RBFOX1: variants seen among roughly 807,000 people sequenced by gnomAD.
RBFOX1 encodes RNA binding protein fox-1 homolog 1.
A neutral mutation model predicts 57.7 loss-of-function variants in RBFOX1; 8 were observed. That is an observed-to-expected ratio of 0.14 (90% CI 0.08 to 0.25). The LOEUF is 0.25. RBFOX1 is among the 10% of genes least tolerant of loss of function. The pLI is 1.00. For missense variants in RBFOX1, 611 were observed against 548.5 expected, an observed-to-expected ratio of 1.11 and a Z score of -1.14; for synonymous variants, 326 against 222.4, an observed-to-expected ratio of 1.47 and a Z score of -4.15.
intron 2 of RBFOX1, among the ~76,000 whole-genome samples, chr16:6,351,021 GATATGTCATCTTA>G (rs2086261051): frequency 6.6e-6 from 1 of 152,110 alleles, no homozygotes; most frequent in African/African-American, 2.4e-5. Context: ...GCAAAGTTGT[GATATGTCATCTTA>G]TCCTTTCAGT....
chr16:5,529,148 A>G (rs1340156064), intron 2 of RBFOX1, among the ~76,000 whole-genome samples: 2 of 152,088 alleles, frequency 1.3e-5, no homozygotes, highest in Non-Finnish European at 2.9e-5. Flanking sequence ...AACTGTGTGC[A>G]AAGTACTTCA....
At chr16:6,465,598 C>CTG (rs56131263) in intron 2 of RBFOX1, among the ~76,000 whole-genome samples, 16,498 of 144,850 alleles carry the variant, frequency 0.11, 1,109 homozygotes, top group South Asian at 0.29. Flanking sequence ...ATGTATAGGG[C>CTG]TGTGTGTGTG....
At chr16:6,100,963 G>T (rs909249171) in intron 1 of RBFOX1, among the ~76,000 whole-genome samples, 2 of 152,042 alleles carry the variant, frequency 1.3e-5, no homozygotes, top group Admixed American at 1.3e-4. Flanking sequence ...ATTTTTTTCC[G>T]TCTCGAAATT....
rs79776034 is a variant in RBFOX1, at chr16:5,994,977, C to T, written c.351+127642C>T. On this transcript the variant is annotated intron_variant, in intron 4 of 19. Coordinates refer to the RBFOX1 transcript ENST00000641259. The stretch of plus-strand genomic sequence containing the variant: ...AGGAACCAAAAGCCCCAGCTTCAGG[C>T]TCCTCTCACTAGCTGTGAGACAGGA... 5.1e-4 allele frequency among the ~76,000 whole-genome samples: 77 copies of T among 152,334 alleles called. No individual in the cohort carries two copies. In the East Asian group the frequency reaches 0.014, roughly 28 times the overall value.
At chr16:7,588,828 T>A (rs1246536264) in intron 7 of RBFOX1, among the ~76,000 whole-genome samples, 2 of 152,252 alleles carry the variant, frequency 1.3e-5, no homozygotes, top group African/African-American at 4.8e-5. Context: ...AATTTAGTAC[T>A]AATTAACTAG....
intron 4 of RBFOX1, among the ~76,000 whole-genome samples, chr16:7,291,999 T>TATATA: frequency 7.4e-6 from 1 of 134,366 alleles, no homozygotes; most frequent in South Asian, 2.2e-4. Flanking sequence ...TATGATGTAT[T>TATATA]ATATGTATTA....
chr16:5,993,944 A>G (rs2060449265), intron 4 of RBFOX1, among the ~76,000 whole-genome samples: 1 of 152,132 alleles, frequency 6.6e-6, no homozygotes, highest in Non-Finnish European at 1.5e-5. Flanking sequence ...TGGATGCCTT[A>G]TTGGAAGCAC....
At chr16:7,576,234 A>G (rs1241060588) in intron 5 of RBFOX1, among the ~76,000 whole-genome samples, 1 of 152,036 alleles carries the variant, frequency 6.6e-6, no homozygotes, top group African/African-American at 2.4e-5. Context: ...CCATTACCCC[A>G]TTAATGTCCT....
chr16:5,492,238 T>C (rs1340030526), intron 2 of RBFOX1, among the ~76,000 whole-genome samples: 1 of 152,212 alleles, frequency 6.6e-6, no homozygotes, highest in Non-Finnish European at 1.5e-5. Flanking sequence ...AAGTATTTGC[T>C]GATGAGAGGA....
At chr16:5,576,549 T>A (rs1033880499) in intron 2 of RBFOX1, among the ~76,000 whole-genome samples, 25 of 152,224 alleles carry the variant, frequency 1.6e-4, no homozygotes, top group African/African-American at 5.5e-4. Flanking sequence ...CCTATAAAGA[T>A]GTGTATCCTG....
At chr16:5,375,956 C>T (rs747460215) in intron 1 of RBFOX1, among the ~76,000 whole-genome samples, 11 of 152,090 alleles carry the variant, frequency 7.2e-5, no homozygotes, top group Admixed American at 2.6e-4. Context: ...CATTTGAGGT[C>T]GGGAGTCTGA....
intron 1 of RBFOX1, among the ~76,000 whole-genome samples, chr16:6,110,551 A>G (rs1254075274): frequency 6.6e-6 from 1 of 152,170 alleles, no homozygotes; most frequent in Non-Finnish European, 1.5e-5. Flanking sequence ...GGGCTGTTTC[A>G]AAAAACAAAA....
intron 2 of RBFOX1, among the ~76,000 whole-genome samples, chr16:6,433,492 C>T (rs145430134): frequency 1.2e-4 from 19 of 152,302 alleles, no homozygotes; most frequent in African/African-American, 3.6e-4. Flanking sequence ...GAGATAGACT[C>T]GCTATTCTCA....
intron 2 of RBFOX1, among the ~76,000 whole-genome samples, chr16:6,522,697 A>G (rs990049506): frequency 3.9e-5 from 6 of 152,328 alleles, no homozygotes; most frequent in African/African-American, 1.4e-4. Flanking sequence ...CCTAAGAAAC[A>G]GTGAACCATA....
At chr16:6,975,905 C>T (rs1168474852) in intron 3 of RBFOX1, among the ~76,000 whole-genome samples, 2 of 151,956 alleles carry the variant, frequency 1.3e-5, no homozygotes, top group African/African-American at 2.4e-5. Flanking sequence ...GGTAGGTGGT[C>T]ACTTGAGGTC....
At chr16:7,682,871 C>T (rs913650584) in intron 14 of RBFOX1, among the ~76,000 whole-genome samples, 14 of 148,658 alleles carry the variant, frequency 9.4e-5, no homozygotes, top group African/African-American at 3.2e-4. Flanking sequence ...TATTCAGACT[C>T]TCCTTAGGAA....
intron 4 of RBFOX1, among the ~76,000 whole-genome samples, chr16:5,913,541 A>T (rs977570785): frequency 2.0e-5 from 3 of 152,082 alleles, no homozygotes; most frequent in Non-Finnish European, 2.9e-5. Context: ...TTCCGCTGTG[A>T]TTGAAAACTC....
At chr16:7,101,725 C>T (rs755082140) in intron 4 of RBFOX1, among the ~76,000 whole-genome samples, 1 of 151,952 alleles carries the variant, frequency 6.6e-6, no homozygotes, top group Non-Finnish European at 1.5e-5. Context: ...ATTTGCTTGC[C>T]GCAGAAGACA....
chr16:7,684,258 G>A (rs2075568903), intron 14 of RBFOX1, among the ~76,000 whole-genome samples: 1 of 151,862 alleles, frequency 6.6e-6, no homozygotes, highest in South Asian at 2.1e-4. Context: ...TGGTTCCTGT[G>A]GAATTAGGCA....
Sources: gnomAD v4.1 joint callset for allele counts (sites outside exome capture counted in the v4.1 genomes callset) on GRCh38, gnomAD v4.1.1 for gene constraint, MANE v1.5 for transcripts, NCBI Gene and HGNC (gene_info 2026-07-23, HGNC 2026-07-21) for gene names.